RASGEF1B: variants seen among roughly 807,000 people sequenced by gnomAD.
The protein encoded by RASGEF1B is ras-GEF domain-containing family member 1B.
In RASGEF1B, 30 loss-of-function variants were observed where a neutral mutation model predicts 65.7. The ratio of observed to expected loss-of-function variants is 0.46; its 90% CI spans 0.34 to 0.62. The LOEUF is 0.62. Ranked by LOEUF, RASGEF1B falls within the 20% of genes least tolerant of loss-of-function variation. RASGEF1B has a pLI of 0.01. For synonymous variants in RASGEF1B, 175 were observed against 194.8 expected (o/e 0.90, Z 0.85); for missense variants, 495 against 580.1 (o/e 0.85, Z 1.51).
chr4:81,444,667 G>C (rs1364673200), intron 8 of RASGEF1B, among the ~76,000 whole-genome samples: 1 of 152,182 alleles, frequency 6.6e-6, no homozygotes, highest in Non-Finnish European at 1.5e-5. Context: ...CTCCTGAGTG[G>C]CTGGGATTAC....
intron 6 of RASGEF1B, 76 bp downstream of exon 6, chr4:81,447,428 G>A (rs1722065484): frequency 3.1e-5 from 33 of 1,077,838 alleles, no homozygotes; most frequent in Middle Eastern, 2.0e-4. Flanking sequence ...TCTAACTTCC[G>A]TCCTTTATAC....
intron 10 of RASGEF1B, among the ~76,000 whole-genome samples, chr4:81,435,445 C>T (rs1300260810): frequency 1.4e-5 from 2 of 144,152 alleles, no homozygotes; most frequent in Non-Finnish European, 3.0e-5. Flanking sequence ...AAAAGAATAC[C>T]TATCATTGCA....
chr4:81,448,804 C>CTTTTG (rs953619305), intron 4 of RASGEF1B, among the ~76,000 whole-genome samples: 8 of 151,970 alleles, frequency 5.3e-5, no homozygotes, highest in Non-Finnish European at 1.0e-4. Context: ...GAACCACCTT[C>CTTTTG]TTTTGTTTTG....
At chr4:81,431,551 T>C (rs985604773) in intron 13 of RASGEF1B, among the ~76,000 whole-genome samples, 2 of 152,180 alleles carry the variant, frequency 1.3e-5, no homozygotes, top group East Asian at 3.9e-4. Context: ...GATATCCTGG[T>C]TCATGAAATC....
At chr4:81,430,299 TCAAACAAACAAA>T (rs759206728) in intron 13 of RASGEF1B, among the ~76,000 whole-genome samples, 1 of 152,220 alleles carries the variant, frequency 6.6e-6, no homozygotes, top group South Asian at 2.1e-4. Flanking sequence ...AGACTTCGTC[TCAAACAAACAAA>T]CAAACAAAAA....
chr4:81,453,563 T>C (rs1268982611), intron 4 of RASGEF1B: 2 of 152,230 alleles, frequency 1.3e-5, no homozygotes, highest in African/African-American at 2.4e-5. Flanking sequence ...GTTGAACCCA[T>C]GGATGCAGAT....
At chr4:81,466,525 T>C (rs559069327) in intron 1 of RASGEF1B, among the ~76,000 whole-genome samples, 10 of 151,968 alleles carry the variant, frequency 6.6e-5, no homozygotes, top group East Asian at 1.9e-4. Flanking sequence ...TTTGGGAGGC[T>C]GAGGTGGGCA....
Position 81,459,471 on chromosome 4 carries a change from C to A in RASGEF1B, c.38G>T (p.Ser13Ile), listed in dbSNP as rs995253420. 10 of 1,607,622 alleles carry A rather than the reference C, an allele frequency of 6.2e-6. No individual in the cohort carries two copies. The highest frequency in any genetic ancestry group is 8.5e-6 in the Non-Finnish European group (10 of 1,178,160). Reference sequence around the variant, plus strand: ...ATAGAGGTTTCGATTGTAACCACTGCTGTCAAACATTGCTGAAAAGGGAGG... The same window carrying A: ...ATAGAGGTTTCGATTGTAACCACTGATGTCAAACATTGCTGAAAAGGGAGG... ...QTPPFSAMFD[S>I]SGYNRNLYQS... Residue 13 changes from serine (S) to isoleucine (I), a missense_variant, in exon 2 of 14, where the codon AGC becomes ATC. Ser to Ile is a moderately radical substitution (Grantham distance 142). Transcript: ENST00000264400.
At chr4:81,439,262 G>A (rs1004720538) in intron 10 of RASGEF1B, among the ~76,000 whole-genome samples, 2 of 151,980 alleles carry the variant, frequency 1.3e-5, no homozygotes, top group African/African-American at 4.8e-5. Context: ...AGCATCTATT[G>A]TTTCTTGACT....
chr4:81,469,282 C>A (rs959003260), intron 1 of RASGEF1B, among the ~76,000 whole-genome samples: 1 of 152,160 alleles, frequency 6.6e-6, no homozygotes, highest in Non-Finnish European at 1.5e-5. Flanking sequence ...ATTCTAGATT[C>A]TTCTCCCAAG....
At chr4:81,429,892 T>C (rs1423177097) in intron 13 of RASGEF1B, among the ~76,000 whole-genome samples, 1 of 151,574 alleles carries the variant, frequency 6.6e-6, no homozygotes, top group Admixed American at 6.6e-5. Flanking sequence ...GCAGGCCACT[T>C]ACTGGCGGGA....
chr4:81,447,230 A>G (rs1215138481), intron 6 of RASGEF1B, among the ~76,000 whole-genome samples: 2 of 152,070 alleles, frequency 1.3e-5, no homozygotes, highest in African/African-American at 4.8e-5. Flanking sequence ...ATCACCACAA[A>G]TGCCTGCATC....
intron 4 of RASGEF1B, chr4:81,454,315 T>C (rs1171035817): frequency 6.6e-6 from 1 of 152,186 alleles, no homozygotes; most frequent in African/African-American, 2.4e-5. Flanking sequence ...CATTTTATCT[T>C]AAAAGAAAAA....
chr4:81,471,285 A>T (rs1018854162), intron 1 of RASGEF1B: 5 of 152,480 alleles, frequency 3.3e-5, no homozygotes, highest in African/African-American at 1.2e-4. Flanking sequence ...GAAGTGGAAG[A>T]ATCAACCTAG....
chr4:81,460,509 AGGACATAACCT>A (rs1483127719), intron 1 of RASGEF1B, among the ~76,000 whole-genome samples: 1 of 152,192 alleles, frequency 6.6e-6, no homozygotes, highest in Non-Finnish European at 1.5e-5. Flanking sequence ...AGGCAGCAGA[AGGACATAACCT>A]GGACTAATCT....
At position 81,436,977 on chromosome 4, in the gene RASGEF1B, C is replaced by T. The variant is rs574450282; in HGVS notation, c.1105-2243G>A. 3.2e-4 allele frequency among the ~76,000 whole-genome samples: 49 copies of T among 152,260 alleles called. 1 individual carries two copies. The East Asian group carries it at 8.7e-3, about 27-fold the overall frequency. On this transcript the variant is annotated intron_variant, in intron 10 of 13. Transcript: ENST00000264400. The stretch of plus-strand genomic sequence containing the variant: ...GCCAAATTAGTAAAGATCTCATTAC[C>T]TTTCCTTCTAACGTGATTAGCTATT...
chr4:81,445,964 A>G, intron 6 of RASGEF1B, 126 bp from the exon 7 acceptor site: 1 of 662,824 alleles, frequency 1.5e-6, no homozygotes, highest in Non-Finnish European at 2.6e-6. Context: ...AACAACAGAA[A>G]GAGAGAGAGA....
At chr4:81,458,597 G>A (rs1487998594) in intron 2 of RASGEF1B, among the ~76,000 whole-genome samples, 3 of 152,082 alleles carry the variant, frequency 2.0e-5, no homozygotes, top group South Asian at 4.1e-4. Context: ...CCAGCTGCTC[G>A]GCAAATCTCC....
Position 81,426,981 on chromosome 4 carries a change from C to CAAAAAAAA in RASGEF1B, c.*779_*786dup, listed in dbSNP as rs546907988. On this transcript the variant is annotated 3_prime_UTR_variant, in exon 14 of 14. Coordinates refer to ENST00000264400, the MANE Select transcript of RASGEF1B (RefSeq NM_152545.3). ...GTCAGTTGTAAACAGCTCAGAAGAGCAAAAAAAAAAAAAAAAAAAAAAAAA... is the reference window on the plus strand; with the variant it reads ...GTCAGTTGTAAACAGCTCAGAAGAGCAAAAAAAAAAAAAAAAAAAAAAAAAAAAAAAAA... 7 of 34,256 alleles carry CAAAAAAAA rather than the reference C, an allele frequency of 2.0e-4. No homozygotes were observed. Among genetic ancestry groups the CAAAAAAAA allele is most frequent in the Non-Finnish European group, 2.8e-4 (5 of 17,688 alleles). 2.1% of individuals were successfully genotyped at this position (34,256 alleles called of 1,614,324 possible). A position where few individuals can be genotyped will look rare whatever the true frequency, so the allele number is the denominator to read the frequency against.
Sources: gnomAD v4.1 joint callset for allele counts (sites outside exome capture counted in the v4.1 genomes callset) on GRCh38, gnomAD v4.1.1 for gene constraint, MANE v1.5 for transcripts, NCBI Gene and HGNC (gene_info 2026-07-23, HGNC 2026-07-21) for gene names.